Variants in PDIA4 observed in about 807,000 individuals in gnomAD.
The protein encoded by PDIA4 is protein disulfide-isomerase A4.
In PDIA4, 33 loss-of-function variants were observed where a neutral mutation model predicts 62.1. That is an observed-to-expected ratio of 0.53 (90% CI 0.40 to 0.71). The LOEUF is 0.71. Ranked by LOEUF, PDIA4 falls within the 30% of genes least tolerant of loss-of-function variation. The pLI, the probability that PDIA4 is intolerant of heterozygous loss-of-function variation, is 0.00. For synonymous variants in PDIA4, 341 were observed against 324.1 expected (o/e 1.05, Z -0.56); for missense variants, 804 against 813.6 (o/e 0.99, Z 0.14).
chr7:149,003,696 C>T lies in PDIA4; in HGVS notation c.*98G>A, dbSNP rs530990404. ...AATTAAAAAAAAAAAAAAAGGAATC[C>T]GAGATACTGTCGTTTGTTGCCGGCC... On this transcript the variant is annotated 3_prime_UTR_variant, in exon 10 of 10. Transcript: ENST00000652332. 32 of 821,650 alleles carry T rather than the reference C, an allele frequency of 3.9e-5. No individual in the cohort carries two copies. Among genetic ancestry groups the T allele is most frequent in the African/African-American group, 7.0e-5 (4 of 56,864 alleles). 50.9% of individuals were successfully genotyped at this position (821,650 alleles called of 1,614,324 possible).
chr7:149,021,993 C>A (rs1824370980), intron 1 of PDIA4, among the ~76,000 whole-genome samples: 1 of 152,228 alleles, frequency 6.6e-6, no homozygotes, highest in Non-Finnish European at 1.5e-5. Context: ...CTCCTCCTCA[C>A]CCTGTATGCT....
Position 149,028,503 on chromosome 7 carries a change from C to G in PDIA4, c.-95G>C, listed in dbSNP as rs1360901545. 1 of 868,618 alleles carries G rather than the reference C, an allele frequency of 1.2e-6. No individual in the cohort carries two copies. Among genetic ancestry groups the G allele is most frequent in the Admixed American group, 3.7e-5 (1 of 27,284 alleles). The allele number at this position is 868,618 out of a possible 1,614,324, so 53.8% of individuals were successfully genotyped here. ...CCGACAGCCCGTCGCTCCTTAGCGA[C>G]GCGGGGGAGCCGGAAAAACCCACGG... is the stretch of plus-strand genomic sequence containing the variant. On this transcript the variant is annotated 5_prime_UTR_variant, in exon 1 of 10. Transcript: ENST00000652332.
Position 149,028,381 on chromosome 7 carries a change from G to C in PDIA4, c.28C>G (p.Leu10Val). 1 of 1,524,536 alleles carries C rather than the reference G, an allele frequency of 6.6e-7. No individual in the cohort carries two copies. Among genetic ancestry groups the C allele is most frequent in the African/African-American group, 1.4e-5 (1 of 69,598 alleles). The allele number at this position is 1,524,536 out of a possible 1,614,324, so 94.4% of individuals were successfully genotyped here. A position where few individuals can be genotyped will look rare whatever the true frequency, so the allele number is the denominator to read the frequency against. The part of the protein sequence containing the change: MRPRKAFLL[L>V]LLLGLVQLLA... Reference sequence around the variant, plus strand: ...AGCTGCACCAGCCCCAAGAGCAGCAGGAGCAGGAAGGCTTTCCGGGGCCTC... The same window carrying C: ...AGCTGCACCAGCCCCAAGAGCAGCACGAGCAGGAAGGCTTTCCGGGGCCTC... Residue 10 changes from leucine to valine, a missense_variant, in exon 1 of 10, where the codon CTG (leucine) becomes GTG (valine). Transcript: ENST00000652332.
intron 1 of PDIA4, among the ~76,000 whole-genome samples, chr7:149,022,907 G>A (rs765686665): frequency 6.6e-6 from 1 of 152,196 alleles, no homozygotes; most frequent in Admixed American, 6.5e-5. Flanking sequence ...CTAGTCACCC[G>A]CACTCAGTCC....
At chr7:149,012,731 G>A (rs1823992358) in intron 4 of PDIA4, among the ~76,000 whole-genome samples, 2 of 152,188 alleles carry the variant, frequency 1.3e-5, no homozygotes, top group South Asian at 4.1e-4. Context: ...AGTCATAGAT[G>A]GCTTCAGAGG....
At chr7:149,008,018 G>C (rs1823820326) in intron 7 of PDIA4, 141 bp downstream of exon 7, 1 of 762,058 alleles carries the variant, frequency 1.3e-6, no homozygotes, top group Non-Finnish European at 2.0e-6. Context: ...CTGTGGGGTG[G>C]GGAGAACGGG....
At chr7:149,013,225 G>A (rs1824015057) in intron 4 of PDIA4, among the ~76,000 whole-genome samples, 1 of 152,116 alleles carries the variant, frequency 6.6e-6, no homozygotes, top group South Asian at 2.1e-4. Context: ...TCCAGCCTGG[G>A]CAACAGAGCA....
intron 6 of PDIA4, 85 bp from the exon 7 acceptor site, chr7:149,008,395 A>G: frequency 1.4e-6 from 2 of 1,425,414 alleles, no homozygotes; most frequent in South Asian, 1.3e-5. Context: ...AGCCAAAGCA[A>G]ATGTTCTGAA....
intron 4 of PDIA4, among the ~76,000 whole-genome samples, chr7:149,014,421 CCCTGGGCCGTCT>C (rs1297022575): frequency 6.6e-6 from 1 of 152,146 alleles, no homozygotes; most frequent in Non-Finnish European, 1.5e-5. Flanking sequence ...ACAGATGGTA[CCCTGGGCCGTCT>C]CCTGGGAAGG....
chr7:149,025,378 G>C (rs560327908), intron 1 of PDIA4, among the ~76,000 whole-genome samples: 7 of 152,160 alleles, frequency 4.6e-5, no homozygotes, highest in Non-Finnish European at 8.8e-5. Context: ...ATCTCCCCCA[G>C]AGAAGTGCCT....
In PDIA4 at chr7:149,008,170, T is replaced by A. The variant is rs772131826; in HGVS notation, c.1120A>T (p.Met374Leu). 1 of 1,613,670 alleles carries A rather than the reference T, an allele frequency of 6.2e-7. No individual in the cohort carries two copies. Among genetic ancestry groups the A allele is most frequent in the South Asian group, 1.1e-5 (1 of 90,974 alleles). Residue 374 changes from methionine (M) to leucine (L), a missense_variant, in exon 7 of 10, where the codon ATG becomes TTG. Transcript: ENST00000652332. ...QSKYEPRSHM[M>L]DVQGSTQDSA... is the part of the protein sequence containing the mutation. ...AGGGGCCCGCTTACCTGGACGTCCA[T>A]CATGTGGCTCCGGGGCTCATACTTG...
At chr7:149,013,145 G>A (rs1824010092) in intron 4 of PDIA4, among the ~76,000 whole-genome samples, 2 of 152,148 alleles carry the variant, frequency 1.3e-5, no homozygotes, top group South Asian at 2.1e-4. Context: ...CTACTCGGGA[G>A]GCTGAGACAG....
Position 149,003,605 on chromosome 7 carries a change from T to C in PDIA4, c.*189A>G, listed in dbSNP as rs1388701927. Reference sequence around the variant, plus strand: ...ATGTATCCTCTGTAAAAATCTGGACTAAACTATTCAGTCATTCATGGTTAT... The same window carrying C: ...ATGTATCCTCTGTAAAAATCTGGACCAAACTATTCAGTCATTCATGGTTAT... On this transcript the variant is annotated 3_prime_UTR_variant, in exon 10 of 10. Coordinates refer to ENST00000652332, the MANE Select transcript of PDIA4 (RefSeq NM_004911.5). 1 of 423,148 alleles carries C rather than the reference T, an allele frequency of 2.4e-6. No homozygotes were observed. The highest frequency in any genetic ancestry group is 4.1e-6 in the Non-Finnish European group (1 of 245,634). 26.2% of individuals were successfully genotyped at this position (423,148 alleles called of 1,614,324 possible). A position where few individuals can be genotyped will look rare whatever the true frequency, so the allele number is the denominator to read the frequency against.
At chr7:149,018,941 C>A (rs776997778) in intron 3 of PDIA4, 51 bp downstream of exon 3, 17 of 1,408,862 alleles carry the variant, frequency 1.2e-5, no homozygotes, top group Non-Finnish European at 2.0e-6. Context: ...GCCAAATTCC[C>A]ATTCCCTGCG....
At chr7:149,021,721 G>A (rs952297688) in intron 1 of PDIA4, among the ~76,000 whole-genome samples, 2 of 152,106 alleles carry the variant, frequency 1.3e-5, no homozygotes, top group Non-Finnish European at 2.9e-5. Context: ...AGGGGAAGTT[G>A]GAGGGCAGCA....
rs982615388 is a variant in PDIA4 at position 149,028,328 on chromosome 7, C to T, written c.81G>A (p.Pro27=). 1.2e-5 allele frequency: 19 copies of T among 1,521,972 alleles called. No individual in the cohort carries two copies. In the African/African-American group the frequency reaches 2.6e-4, roughly 21 times the overall value. The allele number at this position is 1,521,972 out of a possible 1,614,324, so 94.3% of individuals were successfully genotyped here. A position where few individuals can be genotyped will look rare whatever the true frequency, so the allele number is the denominator to read the frequency against. The change falls in exon 1 of 10, where the codon CCG becomes CCA. Residue 27 remains proline, a synonymous_variant. Coordinates refer to ENST00000652332, the MANE Select transcript of PDIA4 (RefSeq NM_004911.5). ...QLLAVAGAEG[P]DEDSSNRENA... ...GGCGCGCTTGCCGCTCACCCTCGTC[C>T]GGGCCCTCGGCACCCGCCACGGCCA...
chr7:149,008,210 A>G lies in PDIA4; in HGVS notation c.1080T>C (p.Pro360=), dbSNP rs764714045. 13 of 1,613,862 alleles carry G rather than the reference A, an allele frequency of 8.1e-6. No individual in the cohort carries two copies. The East Asian group carries it at 2.5e-4, about 30-fold the overall frequency. The change falls in exon 7 of 10, where the codon CCT becomes CCC. Residue 360 remains proline, a synonymous_variant. Transcript: ENST00000652332. ...GCTCATACTTGGACTGGAATTTCTCAGGCTGCATTACAACCAACTGCCCCT... is the reference window on the plus strand; with the variant it reads ...GCTCATACTTGGACTGGAATTTCTCGGGCTGCATTACAACCAACTGCCCCT... ...VSQGQLVVMQ[P]EKFQSKYEPR...
At position 149,005,259 on chromosome 7, in the gene PDIA4, G is replaced by A. The variant is rs370026924; in HGVS notation, c.1404C>T (p.Ser468=). The A allele has an allele frequency of 6.8e-6, 11 of 1,613,854 alleles. No individual in the cohort carries two copies. Among genetic ancestry groups the A allele is most frequent in the Non-Finnish European group, 7.6e-6 (9 of 1,179,920 alleles). ...YAGEVKDLGL[S]ESGEDVNAAI... Reference sequence around the variant, plus strand: ...CGGCATTGACATCCTCCCCACTCTCGCTGAGCCCCAGGTCCTTCACCTCCC... The same window carrying A: ...CGGCATTGACATCCTCCCCACTCTCACTGAGCCCCAGGTCCTTCACCTCCC... The change falls in exon 9 of 10, where the codon AGC becomes AGT. Residue 468 remains serine (S), a synonymous_variant. Transcript: ENST00000652332.
chr7:149,012,996 G>A (rs4727008), intron 4 of PDIA4, among the ~76,000 whole-genome samples: 1 of 152,132 alleles, frequency 6.6e-6, no homozygotes, highest in East Asian at 1.9e-4. Context: ...TCCTGTAATC[G>A]CAGCACTTTG....
Sources: allele counts gnomAD v4.1 joint callset (sites outside exome capture counted in the v4.1 genomes callset), GRCh38; gene constraint gnomAD v4.1.1; transcripts MANE v1.5; gene names NCBI Gene and HGNC (gene_info 2026-07-23, HGNC 2026-07-21).